SYNDIG1L: variants seen among roughly 807,000 people sequenced by gnomAD.
SYNDIG1L encodes the protein synapse differentiation-inducing gene protein 1-like.
In SYNDIG1L, 13 loss-of-function variants were observed where a neutral mutation model predicts 20.1. The observed-to-expected ratio is 0.65, with a 90% confidence interval of 0.42 to 1.03. The LOEUF (loss-of-function observed/expected upper bound fraction) is 1.03, where lower values mean the gene tolerates loss of function less well. Ranked by LOEUF, SYNDIG1L falls within the 50% of genes least tolerant of loss-of-function variation. The probability of loss-of-function intolerance (pLI) is 0.00; values close to 1 mark genes in which losing one functional copy is unlikely to be tolerated. For synonymous variants in SYNDIG1L, 128 were observed against 129.3 expected, an observed-to-expected ratio of 0.99 and a Z score of 0.07; for missense variants, 294 against 305.1, an observed-to-expected ratio of 0.96 and a Z score of 0.27.
chr14:74,440,195 C>T, the SYNDIG1L span, among the ~76,000 whole-genome samples: 10 of 151,732 alleles, frequency 6.6e-5, no homozygotes, highest in African/African-American at 1.9e-4. Flanking sequence ...CTGGCTAACA[C>T]GGTGAAACCC....
chr14:74,420,265 G>A (rs758202035), intron 1 of SYNDIG1L, among the ~76,000 whole-genome samples: 12 of 151,720 alleles, frequency 7.9e-5, no homozygotes, highest in African/African-American at 1.2e-4. Flanking sequence ...GTGTGGTGGC[G>A]TGCACCTGTA....
chr14:74,448,361 T>C, the SYNDIG1L span, among the ~76,000 whole-genome samples: 1 of 152,140 alleles, frequency 6.6e-6, no homozygotes, highest in Non-Finnish European at 1.5e-5. Context: ...AGCTGAAATC[T>C]ATCAAGCAGA....
chr14:74,414,709 A>T (rs1350313383), intron 1 of SYNDIG1L, among the ~76,000 whole-genome samples: 9 of 152,176 alleles, frequency 5.9e-5, no homozygotes, highest in African/African-American at 2.2e-4. Context: ...ACTTACACTT[A>T]CTGAGTTTTT....
chr14:74,426,825 G>A (rs1411010731), upstream of SYNDIG1L, among the ~76,000 whole-genome samples: 1 of 151,236 alleles, frequency 6.6e-6, no homozygotes, highest in Non-Finnish European at 1.5e-5. Context: ...TGCTGGGAAG[G>A]GCACAGGTTT....
At chr14:74,432,143 GT>G in the SYNDIG1L span, among the ~76,000 whole-genome samples, 1 of 106,350 alleles carries the variant, frequency 9.4e-6, no homozygotes, top group African/African-American at 4.9e-5. Flanking sequence ...CTTGGAAGGT[GT>G]GTGTGTGTGT....
chr14:74,467,444 G>A, the SYNDIG1L span, among the ~76,000 whole-genome samples: 3 of 152,146 alleles, frequency 2.0e-5, no homozygotes, highest in Non-Finnish European at 2.9e-5. Context: ...TCAGCCCCAG[G>A]AGAGGGGGCA....
upstream of SYNDIG1L, among the ~76,000 whole-genome samples, chr14:74,426,259 C>A (rs1453017496): frequency 6.6e-6 from 1 of 152,044 alleles, no homozygotes; most frequent in Non-Finnish European, 1.5e-5. Context: ...CCGCCGCCGC[C>A]GCCTCCCTCT....
At chr14:74,419,008 G>A (rs1359443245) in intron 1 of SYNDIG1L, among the ~76,000 whole-genome samples, 1 of 152,120 alleles carries the variant, frequency 6.6e-6, no homozygotes, top group Non-Finnish European at 1.5e-5. Flanking sequence ...GGGGTAGTTG[G>A]GCAGCAACAG....
At chr14:74,435,973 T>C in the SYNDIG1L span, among the ~76,000 whole-genome samples, 1 of 152,164 alleles carries the variant, frequency 6.6e-6, no homozygotes, top group African/African-American at 2.4e-5. Context: ...TTGGCTACAG[T>C]TCTGATAGTG....
the SYNDIG1L span, among the ~76,000 whole-genome samples, chr14:74,453,671 G>A: frequency 6.6e-6 from 1 of 152,106 alleles, no homozygotes; most frequent in Non-Finnish European, 1.5e-5. Context: ...TAAAAATACA[G>A]GCCAGGCACA....
intron 2 of SYNDIG1L, 93 bp downstream of exon 2, chr14:74,409,235 C>G (rs903522333): frequency 2.0e-6 from 2 of 987,268 alleles, no homozygotes; most frequent in South Asian, 3.8e-5. Context: ...CATGCCACCA[C>G]GCCAGGCTAA....
intron 1 of SYNDIG1L, among the ~76,000 whole-genome samples, chr14:74,410,053 A>G (rs1295997429): frequency 1.3e-5 from 2 of 152,188 alleles, no homozygotes; most frequent in Non-Finnish European, 2.9e-5. Flanking sequence ...ATATTTACTG[A>G]GCATCAGCTA....
chr14:74,428,388 C>G (rs111485201), upstream of SYNDIG1L, among the ~76,000 whole-genome samples: 206 of 152,316 alleles, frequency 1.4e-3, 1 homozygote, highest in African/African-American at 4.9e-3. Flanking sequence ...TCCATTCTCT[C>G]TTTATCCCTC....
At chr14:74,454,746 G>A in the SYNDIG1L span, among the ~76,000 whole-genome samples, 4 of 152,268 alleles carry the variant, frequency 2.6e-5, no homozygotes, top group East Asian at 1.9e-4. Context: ...GTTCTCCCCC[G>A]GGGCTCTGCA....
chr14:74,406,438 TCC>T lies in SYNDIG1L; in HGVS notation c.*1095_*1096del. 4.7e-6 allele frequency: 1 copy of T among 211,008 alleles called. No homozygotes were observed. Among genetic ancestry groups the T allele is most frequent in the Non-Finnish European group, 9.3e-6 (1 of 107,080 alleles). 13.1% of individuals were successfully genotyped at this position (211,008 alleles called of 1,614,324 possible). ...CTTCCCATGGAAGGTTCCTGCCACA[TCC>T]CTGCCTACAAATACAAAGAGTTATG... On this transcript the variant is annotated 3_prime_UTR_variant, in exon 4 of 4. Transcript: ENST00000331628.
chr14:74,412,048 G>A (rs2086135399), intron 1 of SYNDIG1L, among the ~76,000 whole-genome samples: 1 of 152,232 alleles, frequency 6.6e-6, no homozygotes, highest in Admixed American at 6.5e-5. Context: ...AGGGCGCACA[G>A]GCTTGGGCAG....
the SYNDIG1L span, among the ~76,000 whole-genome samples, chr14:74,470,743 G>C: frequency 1.3e-5 from 2 of 152,166 alleles, no homozygotes; most frequent in African/African-American, 4.8e-5. Context: ...GCTCTTCAAG[G>C]CTCAGCGCAA....
chr14:74,476,518 C>A, the SYNDIG1L span: 1 of 1,535,670 alleles, frequency 6.5e-7, no homozygotes. Context: ...GGCTCTTAGT[C>A]TCCATTTGCA....
chr14:74,442,800 T>C, the SYNDIG1L span, among the ~76,000 whole-genome samples: 1 of 152,180 alleles, frequency 6.6e-6, no homozygotes, highest in South Asian at 2.1e-4. Flanking sequence ...CAGGATTTTG[T>C]AAGAGATTAG....
Sources: allele counts gnomAD v4.1 joint callset (sites outside exome capture counted in the v4.1 genomes callset), GRCh38; gene constraint gnomAD v4.1.1; transcripts MANE v1.5; gene names NCBI Gene and HGNC (gene_info 2026-07-23, HGNC 2026-07-21).